Variants in VGLL4 observed in about 807,000 individuals in gnomAD.
The protein encoded by VGLL4 is transcription cofactor vestigial-like protein 4.
VGLL4 carries 7 observed loss-of-function variants against 21.0 expected under a neutral mutation model. That is an observed-to-expected ratio of 0.33 (90% CI 0.19 to 0.63). The LOEUF (loss-of-function observed/expected upper bound fraction) is 0.63. VGLL4 is among the 20% of genes least tolerant of loss of function. The pLI is 0.78. For missense variants in VGLL4, 394 were observed against 425.7 expected (o/e 0.93, Z 0.66); for synonymous variants, 222 against 173.2 (o/e 1.28, Z -2.21).
chr3:11,676,627 T>C (rs191070689), intron 2 of VGLL4, among the ~76,000 whole-genome samples: 4 of 151,990 alleles, frequency 2.6e-5, no homozygotes, highest in Admixed American at 1.3e-4. Flanking sequence ...TTACAAACCA[T>C]TTAGAACAGT....
intron 1 of VGLL4, among the ~76,000 whole-genome samples, chr3:11,642,903 C>T (rs1418563978): frequency 6.6e-6 from 1 of 152,184 alleles, no homozygotes; most frequent in Non-Finnish European, 1.5e-5. Context: ...CCTGTGCTCG[C>T]TGACACGGTG....
intron 2 of VGLL4, among the ~76,000 whole-genome samples, chr3:11,597,024 G>C (rs1027306780): frequency 8.5e-5 from 13 of 152,114 alleles, no homozygotes; most frequent in African/African-American, 2.9e-4. Context: ...CAGAAAATAA[G>C]AAAGTGCTCA....
rs59999510 is a variant in VGLL4 at position 11,665,101 on chromosome 3, C to CTTTTTTTTTTT, written c.64+37859_64+37869dup. 7.2e-5 allele frequency among the ~76,000 whole-genome samples: 7 copies of CTTTTTTTTTTT among 96,970 alleles called. 1 individual carries two copies. The highest frequency in any genetic ancestry group is 3.4e-4 in the African/African-American group (7 of 20,510). 63.6% of individuals were successfully genotyped at this position (96,970 alleles called of 152,430 possible). On this transcript the variant is annotated intron_variant, in intron 2 of 5. Transcript: ENST00000273038. Reference sequence around the variant, plus strand: ...AAATGAAAGCAATTTGAATATTTTTCTTTTTTTTTTTTTTTTTTTTTTTTT... The same window carrying CTTTTTTTTTTT: ...AAATGAAAGCAATTTGAATATTTTTCTTTTTTTTTTTTTTTTTTTTTTTTTTTTTTTTTTTT...
At position 11,573,251 on chromosome 3, in the gene VGLL4, GAAAGAAAGAAAGAAAGAA is replaced by G. The variant is rs1559869209; in HGVS notation, c.273-8250_273-8233del. On this transcript the variant is annotated intron_variant, in intron 2 of 4. Coordinates refer to ENST00000430365, the MANE Select transcript of VGLL4 (RefSeq NM_001128219.3). Reference sequence around the variant, plus strand: ...GACAGAAAGAAAAGAAATAGAGAAAGAAAGAAAGAAAGAAAGAAAGAAAGAAAGAAAGAAAGAAAGAAA... The same window carrying G: ...GACAGAAAGAAAAGAAATAGAGAAAGAGAAAGAAAGAAAGAAAGAAAGAAA... Among the ~76,000 whole-genome samples the G allele has an allele frequency of 3.2e-3, 12 of 3,766 alleles. No individual in the cohort carries two copies. In the East Asian group the frequency reaches 0.073, roughly 23 times the overall value. The allele number at this position is 3,766 out of a possible 152,430, so 2.5% of individuals were successfully genotyped here.
At chr3:11,573,351 GAAAGAAAGAAAGAAAGAAAGAAAGAA>G in intron 2 of VGLL4, among the ~76,000 whole-genome samples, 2 of 87,244 alleles carry the variant, frequency 2.3e-5, no homozygotes, top group African/African-American at 7.0e-5. Flanking sequence ...AAGAAAGAAA[GAAAGAAAGAAAGAAAGAAAGAAAGAA>G]AGAAAGAAAG....
chr3:11,703,070 G>GAA, intron 1 of VGLL4: 2 of 1,569,286 alleles, frequency 1.3e-6, no homozygotes, highest in Non-Finnish European at 1.7e-6. Flanking sequence ...AATAAAAGGG[G>GAA]AAAAAATAAT....
At chr3:11,588,298 C>G (rs1206191869) in intron 2 of VGLL4, among the ~76,000 whole-genome samples, 3 of 152,170 alleles carry the variant, frequency 2.0e-5, no homozygotes, top group Non-Finnish European at 4.4e-5. Flanking sequence ...AGCTGGACAC[C>G]CAACTGTAGC....
intron 2 of VGLL4, among the ~76,000 whole-genome samples, chr3:11,573,255 GAA>G (rs545182831): frequency 0.12 from 1,149 of 9,638 alleles, 98 homozygotes; most frequent in South Asian, 0.23. Context: ...GAGAAAGAAA[GAA>G]AGAAAGAAAG....
chr3:11,643,951 C>T (rs1456101109), upstream of VGLL4: 1 of 992,910 alleles, frequency 1.0e-6, no homozygotes, highest in African/African-American at 1.7e-5. Flanking sequence ...CTTCCTCTTC[C>T]CGCAGGAGGC....
chr3:11,577,410 T>C (rs577944212), intron 2 of VGLL4, among the ~76,000 whole-genome samples: 125 of 152,214 alleles, frequency 8.2e-4, no homozygotes, highest in African/African-American at 2.7e-3. Context: ...CAGCCTGGCA[T>C]GGTGAAACCC....
chr3:11,589,567 G>A (rs1054720932), intron 2 of VGLL4, among the ~76,000 whole-genome samples: 7 of 152,128 alleles, frequency 4.6e-5, no homozygotes, highest in African/African-American at 1.7e-4. Context: ...ATGCTCCAAG[G>A]AATATTAAAA....
At chr3:11,621,065 A>G (rs1215696731) in intron 1 of VGLL4, among the ~76,000 whole-genome samples, 1 of 152,236 alleles carries the variant, frequency 6.6e-6, no homozygotes, top group Non-Finnish European at 1.5e-5. Context: ...TACTTTGCAC[A>G]ATATTTTAAT....
At chr3:11,562,268 TTGTC>T (rs1451621507) in intron 3 of VGLL4, among the ~76,000 whole-genome samples, 3 of 152,148 alleles carry the variant, frequency 2.0e-5, no homozygotes, top group Non-Finnish European at 4.4e-5. Flanking sequence ...CTCTTGGTGT[TTGTC>T]TGTCCTGAGC....
chr3:11,613,125 C>A (rs181285586), intron 1 of VGLL4, among the ~76,000 whole-genome samples: 9 of 152,086 alleles, frequency 5.9e-5, no homozygotes, highest in African/African-American at 1.9e-4. Context: ...CCGGAGGGAC[C>A]CTGGTTGCCA....
intron 1 of VGLL4, chr3:11,612,516 AAAAC>A (rs1293857286): frequency 3.9e-5 from 6 of 152,364 alleles, no homozygotes; most frequent in Non-Finnish European, 7.3e-5. Context: ...GATCAAACAC[AAAAC>A]AAACAAAAAA....
intron 1 of VGLL4, among the ~76,000 whole-genome samples, chr3:11,711,952 G>A (rs1185322434): frequency 6.6e-6 from 1 of 152,114 alleles, no homozygotes; most frequent in Non-Finnish European, 1.5e-5. Flanking sequence ...ACAGTTTCAC[G>A]GTTTTAAATC....
At chr3:11,666,196 G>A (rs147692671) in intron 2 of VGLL4, among the ~76,000 whole-genome samples, 2 of 151,016 alleles carry the variant, frequency 1.3e-5, no homozygotes, top group Admixed American at 6.6e-5. Flanking sequence ...AGCTTGCAGT[G>A]AGCCGAGATG....
At chr3:11,581,425 G>A (rs955779853) in intron 2 of VGLL4, among the ~76,000 whole-genome samples, 10 of 151,980 alleles carry the variant, frequency 6.6e-5, no homozygotes, top group Non-Finnish European at 1.2e-4. Flanking sequence ...ACTAAAACCC[G>A]GAGGGTCCTC....
chr3:11,597,677 T>G (rs762677506), intron 2 of VGLL4, among the ~76,000 whole-genome samples: 1 of 152,176 alleles, frequency 6.6e-6, no homozygotes, highest in Non-Finnish European at 1.5e-5. Context: ...AAATCTTGTT[T>G]CATTTCTTCC....
Sources: gnomAD v4.1 joint callset for allele counts (sites outside exome capture counted in the v4.1 genomes callset) on GRCh38, gnomAD v4.1.1 for gene constraint, MANE v1.5 for transcripts, NCBI Gene and HGNC (gene_info 2026-07-23, HGNC 2026-07-21) for gene names.